TLL2: variants seen among roughly 807,000 people sequenced by gnomAD.
The protein encoded by TLL2 is tolloid-like protein 2.
A neutral mutation model predicts 123.0 loss-of-function variants in TLL2; 106 were observed. The ratio of observed to expected loss-of-function variants is 0.86; its 90% CI spans 0.74 to 1.01. The LOEUF is 1.01. Ranked by LOEUF, TLL2 falls within the 50% of genes least tolerant of loss-of-function variation. TLL2 has a pLI of 0.00. For synonymous variants in TLL2, 494 were observed against 516.8 expected, an observed-to-expected ratio of 0.96 and a Z score of 0.60; for missense variants, 1,332 against 1,336.7, an observed-to-expected ratio of 1.00 and a Z score of 0.06.
At chr10:96,385,492 A>G (rs1846225613) in intron 15 of TLL2, among the ~76,000 whole-genome samples, 1 of 152,160 alleles carries the variant, frequency 6.6e-6, no homozygotes, top group Non-Finnish European at 1.5e-5. Context: ...CTACACCAGT[A>G]CTATTCTCAA....
intron 2 of TLL2, among the ~76,000 whole-genome samples, chr10:96,454,536 G>A (rs1249139905): frequency 1.3e-5 from 2 of 152,196 alleles, no homozygotes; most frequent in Admixed American, 6.5e-5. Context: ...TGCTCTTAGA[G>A]TACCTCTGTT....
chr10:96,396,047 A>T, intron 11 of TLL2, 27 bp from the exon 12 acceptor site: 2 of 1,612,582 alleles, frequency 1.2e-6, no homozygotes, highest in Non-Finnish European at 1.7e-6. Context: ...CAGGAGAGGA[A>T]GACGGGGGCC....
chr10:96,443,469 G>GT (rs910939190), intron 3 of TLL2, among the ~76,000 whole-genome samples: 1 of 152,124 alleles, frequency 6.6e-6, no homozygotes, highest in African/African-American at 2.4e-5. Flanking sequence ...TGTAGCTAAA[G>GT]TTTTTTTGGA....
intron 5 of TLL2, among the ~76,000 whole-genome samples, chr10:96,424,029 T>C (rs905695329): frequency 6.6e-6 from 1 of 152,174 alleles, no homozygotes; most frequent in Non-Finnish European, 1.5e-5. Context: ...TGGAGATCAT[T>C]ATGTTAAGTG....
chr10:96,465,785 G>A (rs1480636882), intron 2 of TLL2, among the ~76,000 whole-genome samples: 1 of 152,210 alleles, frequency 6.6e-6, no homozygotes, highest in Non-Finnish European at 1.5e-5. Context: ...AGATGAATAG[G>A]GAGTGGTGGG....
chr10:96,417,090 T>C lies in TLL2; in HGVS notation c.924-3774A>G, dbSNP rs561181680. On this transcript the variant is annotated intron_variant, in intron 7 of 20. Coordinates refer to ENST00000357947, the MANE Select transcript of TLL2 (RefSeq NM_012465.4). ...GCTCAATCGTAAAGAGACACAAGGA[T>C]TGAGTTTCCCATCAGCAGGGTATAG... Among the ~76,000 whole-genome samples the C allele has an allele frequency of 5.3e-5, 8 of 152,230 alleles. No individual in the cohort carries two copies. In the South Asian group the frequency reaches 1.7e-3, roughly 32 times the overall value.
At chr10:96,394,014 C>T (rs550372954) in intron 13 of TLL2, among the ~76,000 whole-genome samples, 84 of 152,282 alleles carry the variant, frequency 5.5e-4, no homozygotes, top group Admixed American at 3.5e-3. Flanking sequence ...TCAGTAAGGA[C>T]GAATGGCTGC....
At chr10:96,420,535 T>C (rs1018488229) in intron 7 of TLL2, among the ~76,000 whole-genome samples, 10 of 152,202 alleles carry the variant, frequency 6.6e-5, no homozygotes, top group Non-Finnish European at 1.5e-4. Context: ...AATGAATCGA[T>C]GATTTACAGC....
chr10:96,509,568 T>C (rs7903410), intron 1 of TLL2, among the ~76,000 whole-genome samples: 151,181 of 152,354 alleles, frequency 0.99, 75,021 homozygotes, highest in Middle Eastern at 1. Flanking sequence ...CCTGCTCCCT[T>C]AACCCTGCTT....
At position 96,513,721 on chromosome 10, in the gene TLL2, G is replaced by A. The variant is rs1275058582; in HGVS notation, c.-36C>T. The A allele has an allele frequency of 1.4e-6, 2 of 1,459,272 alleles. No individual in the cohort carries two copies. The highest frequency in any genetic ancestry group is 2.9e-5 in the African/African-American group (2 of 68,942). 90.4% of individuals were successfully genotyped at this position (1,459,272 alleles called of 1,614,324 possible). ...GGCCGGCTGGGGCAGAGGGAGTTGC[G>A]TGCACGAAAGCTCAGCTCGGCCGAA... is the stretch of plus-strand genomic sequence containing the variant. On this transcript the variant is annotated 5_prime_UTR_variant, in exon 1 of 21. In the 5' UTR this introduces an upstream ATG that the reference lacks. Coordinates refer to ENST00000357947, the MANE Select transcript of TLL2 (RefSeq NM_012465.4).
chr10:96,433,687 C>A (rs958855743), intron 3 of TLL2, among the ~76,000 whole-genome samples: 1 of 152,186 alleles, frequency 6.6e-6, no homozygotes, highest in African/African-American at 2.4e-5. Context: ...TAGAATCCCT[C>A]ATTATTCTAA....
At chr10:96,441,685 C>T (rs886355228) in intron 3 of TLL2, among the ~76,000 whole-genome samples, 8 of 152,134 alleles carry the variant, frequency 5.3e-5, no homozygotes, top group South Asian at 4.1e-4. Flanking sequence ...TGCTGCAGGG[C>T]GGTGGTGACC....
chr10:96,370,140 G>A lies in TLL2; in HGVS notation c.2838C>T (p.Cys946=), dbSNP rs763303050. ...CGTAGGCTTCCATGTAGTCGTAGCC[G>A]CAGTCGGCCTCCTCCTCAACCTCAA... ...RTFEVEEEAD[C]GYDYMEAYDG... is the part of the protein sequence containing the mutation. Residue 946 remains cysteine, a synonymous_variant, in exon 20 of 21, where the codon TGC becomes TGT. Coordinates refer to ENST00000357947, the MANE Select transcript of TLL2 (RefSeq NM_012465.4). 1.6e-5 allele frequency: 26 copies of A among 1,614,028 alleles called. No individual in the cohort carries two copies. Among genetic ancestry groups the A allele is most frequent in the Non-Finnish European group, 2.2e-5 (26 of 1,179,966 alleles).
intron 19 of TLL2, 149 bp from the exon 20 acceptor site, chr10:96,370,464 C>CA (rs1846071569): frequency 1.7e-6 from 2 of 1,162,298 alleles, no homozygotes; most frequent in Admixed American, 3.1e-5. Context: ...GAGGAGTACA[C>CA]AGAGGCCCCT....
chr10:96,373,462 C>T (rs1483254687), intron 19 of TLL2, 134 bp downstream of exon 19: 3 of 813,132 alleles, frequency 3.7e-6, no homozygotes, highest in Non-Finnish European at 5.8e-6. Flanking sequence ...TTTAATAGGA[C>T]ATTTTATCAC....
At chr10:96,388,564 C>T (rs905193801) in intron 13 of TLL2, among the ~76,000 whole-genome samples, 6 of 152,214 alleles carry the variant, frequency 3.9e-5, no homozygotes, top group African/African-American at 1.4e-4. Flanking sequence ...GATGGCTCTT[C>T]AGACCCTACT....
chr10:96,455,641 A>G (rs1411909795), intron 2 of TLL2, among the ~76,000 whole-genome samples: 2 of 151,736 alleles, frequency 1.3e-5, no homozygotes, highest in African/African-American at 2.4e-5. Flanking sequence ...TAATTTACAA[A>G]TGCCATGGCA....
intron 8 of TLL2, among the ~76,000 whole-genome samples, chr10:96,411,257 C>CAAAAAAAAAAAAA (rs56011735): frequency 2.1e-5 from 2 of 95,172 alleles, no homozygotes; most frequent in African/African-American, 8.9e-5. Context: ...GACTCTGTCT[C>CAAAAAAAAAAAAA]AAAAAAAAAA....
chr10:96,435,537 T>C (rs952611644), intron 3 of TLL2, among the ~76,000 whole-genome samples: 1 of 152,248 alleles, frequency 6.6e-6, no homozygotes, highest in Non-Finnish European at 1.5e-5. Flanking sequence ...CATAGCCTAA[T>C]TCAAGATCAC....
Sources: gnomAD v4.1 joint callset for allele counts (sites outside exome capture counted in the v4.1 genomes callset) on GRCh38, gnomAD v4.1.1 for gene constraint, MANE v1.5 for transcripts, NCBI Gene and HGNC (gene_info 2026-07-23, HGNC 2026-07-21) for gene names.